The following GPC5 variants were observed in gnomAD, a reference collection of about 807,000 sequenced individuals.
GPC5 encodes glypican 5, also known as glypican-5.
In GPC5, 47 loss-of-function variants were observed where a neutral mutation model predicts 53.9. The observed-to-expected ratio is 0.87, with a 90% CI of 0.69 to 1.11. GPC5 has a LOEUF of 1.11. Among genes scored for constraint, GPC5 ranks in the 50% most tolerant of loss-of-function variants. The pLI is 0.00. For synonymous variants in GPC5, 286 were observed against 263.3 expected, an observed-to-expected ratio of 1.09 and a Z score of -0.84; for missense variants, 748 against 713.1, an observed-to-expected ratio of 1.05 and a Z score of -0.56.
intron 3 of GPC5, among the ~76,000 whole-genome samples, chr13:91,721,760 T>A (rs2036479878): frequency 6.6e-6 from 1 of 152,196 alleles, no homozygotes; most frequent in Non-Finnish European, 1.5e-5. Flanking sequence ...CCCATGGCTG[T>A]TTGTTAACAT....
At chr13:91,938,516 C>CACT (rs1278623365) in intron 6 of GPC5, among the ~76,000 whole-genome samples, 2 of 152,206 alleles carry the variant, frequency 1.3e-5, no homozygotes, top group East Asian at 3.9e-4. Flanking sequence ...CAAACCATAT[C>CACT]ACTAAGATTG....
chr13:91,675,288 T>C (rs559193867), intron 2 of GPC5, among the ~76,000 whole-genome samples: 1 of 152,312 alleles, frequency 6.6e-6, no homozygotes, highest in Non-Finnish European at 1.5e-5. Context: ...CACTAATATA[T>C]ATCTTTGACA....
At chr13:92,372,658 C>T (rs774952461) in intron 7 of GPC5, among the ~76,000 whole-genome samples, 4 of 152,130 alleles carry the variant, frequency 2.6e-5, no homozygotes, top group Non-Finnish European at 4.4e-5. Context: ...TGACCACAAC[C>T]TTGACCTTGA....
chr13:91,886,095 A>G (rs2039319003), intron 5 of GPC5, among the ~76,000 whole-genome samples: 1 of 152,104 alleles, frequency 6.6e-6, no homozygotes, highest in South Asian at 2.1e-4. Flanking sequence ...GGACTGGGTA[A>G]TTTATAAAGA....
chr13:91,419,105 T>C (rs1255097492), intron 1 of GPC5, among the ~76,000 whole-genome samples: 1 of 152,102 alleles, frequency 6.6e-6, no homozygotes, highest in Non-Finnish European at 1.5e-5. Flanking sequence ...CTTTTATTAC[T>C]ATACAAGTTA....
At chr13:91,571,799 A>ACACACATATACGTGTGTG (rs2031811311) in intron 2 of GPC5, among the ~76,000 whole-genome samples, 3 of 75,056 alleles carry the variant, frequency 4.0e-5, no homozygotes, top group African/African-American at 2.1e-4. Flanking sequence ...GTGTGTGTAT[A>ACACACATATACGTGTGTG]TATACACACA....
At chr13:91,685,049 CAGAG>C (rs1208796328) in intron 2 of GPC5, among the ~76,000 whole-genome samples, 1 of 152,158 alleles carries the variant, frequency 6.6e-6, no homozygotes, top group Non-Finnish European at 1.5e-5. Context: ...GTTGCTTCCT[CAGAG>C]AGGGTTTTCC....
At chr13:92,587,097 A>G (rs1383315891) in intron 7 of GPC5, among the ~76,000 whole-genome samples, 2 of 152,268 alleles carry the variant, frequency 1.3e-5, no homozygotes, top group East Asian at 3.9e-4. Flanking sequence ...TAGTAAATAC[A>G]TATGGTTTGA....
rs375859231 is a variant in GPC5 at position 91,933,307 on chromosome 13, T to C, written c.1401+25250T>C. Reference sequence around the variant, plus strand: ...CTACTGTTGTTTTAACATGAAATCCTTGTAACCCAATTCATAGTTTTTGTT... The same window carrying C: ...CTACTGTTGTTTTAACATGAAATCCCTGTAACCCAATTCATAGTTTTTGTT... On this transcript the variant is annotated intron_variant, in intron 6 of 7. Transcript: ENST00000377067. Among the ~76,000 whole-genome samples, 20 of 152,096 alleles carry C rather than the reference T, an allele frequency of 1.3e-4. No homozygotes were observed. In the East Asian group the frequency reaches 3.1e-3, roughly 24 times the overall value.
intron 7 of GPC5, among the ~76,000 whole-genome samples, chr13:92,395,673 T>G (rs1242092977): frequency 6.6e-6 from 1 of 152,138 alleles, no homozygotes; most frequent in African/African-American, 2.4e-5. Flanking sequence ...TACAGGAAAA[T>G]TTCAGTGAAT....
chr13:92,143,027 T>A (rs759171754), intron 6 of GPC5, among the ~76,000 whole-genome samples: 1 of 152,194 alleles, frequency 6.6e-6, no homozygotes, highest in Non-Finnish European at 1.5e-5. Flanking sequence ...AATGTATTAA[T>A]GTTTAATGTG....
intron 7 of GPC5, among the ~76,000 whole-genome samples, chr13:92,201,903 T>G (rs979542056): frequency 1.3e-5 from 2 of 152,232 alleles, no homozygotes; most frequent in African/African-American, 2.4e-5. Flanking sequence ...TGATTTTTAC[T>G]TCATGGAAGT....
intron 7 of GPC5, among the ~76,000 whole-genome samples, chr13:92,206,802 T>G (rs2042341075): frequency 6.6e-6 from 1 of 152,146 alleles, no homozygotes; most frequent in African/African-American, 2.4e-5. Flanking sequence ...CATTCTGTCA[T>G]TAACAATTAG....
At chr13:91,522,678 C>T (rs1253364654) in intron 2 of GPC5, among the ~76,000 whole-genome samples, 1 of 152,146 alleles carries the variant, frequency 6.6e-6, no homozygotes, top group African/African-American at 2.4e-5. Flanking sequence ...CCCAACCCCA[C>T]AACAGGCTCC....
intron 6 of GPC5, among the ~76,000 whole-genome samples, chr13:92,125,897 C>G: frequency 7.5e-6 from 1 of 133,284 alleles, no homozygotes; most frequent in East Asian, 2.5e-4. Flanking sequence ...TAAAGATTAG[C>G]ATTAGAAAGG....
chr13:92,770,514 C>G (rs1207838192), intron 7 of GPC5, among the ~76,000 whole-genome samples: 4 of 151,388 alleles, frequency 2.6e-5, no homozygotes, highest in Non-Finnish European at 5.9e-5. Flanking sequence ...ATCACTATGT[C>G]TTATATCTCT....
intron 7 of GPC5, among the ~76,000 whole-genome samples, chr13:92,607,837 G>A (rs984520514): frequency 2.6e-5 from 4 of 152,044 alleles, no homozygotes; most frequent in African/African-American, 9.7e-5. Flanking sequence ...TGAACAACAT[G>A]GGTTTGAATT....
At chr13:92,219,296 CATT>C (rs2042432445) in intron 7 of GPC5, among the ~76,000 whole-genome samples, 1 of 152,038 alleles carries the variant, frequency 6.6e-6, no homozygotes, top group African/African-American at 2.4e-5. Flanking sequence ...CTTAAAATAC[CATT>C]ATATCTGGAT....
At chr13:92,000,082 G>A (rs9583986) in intron 6 of GPC5, among the ~76,000 whole-genome samples, 4,360 of 152,132 alleles carry the variant, frequency 0.029, 191 homozygotes, top group African/African-American at 0.098. Context: ...TGTAATCCAT[G>A]AATAAAAATT....
Sources: allele counts gnomAD v4.1 joint callset (sites outside exome capture counted in the v4.1 genomes callset), GRCh38; gene constraint gnomAD v4.1.1; transcripts MANE v1.5; gene names NCBI Gene and HGNC (gene_info 2026-07-23, HGNC 2026-07-21).